Variants in PTPRD observed in about 807,000 individuals in gnomAD.
The protein encoded by PTPRD is protein tyrosine phosphatase receptor type D, also known as receptor-type tyrosine-protein phosphatase delta.
In PTPRD, 34 loss-of-function variants were observed where a neutral mutation model predicts 214.5. That is an observed-to-expected ratio of 0.16 (90% CI 0.12 to 0.21). The LOEUF is 0.21. PTPRD is among the 10% of genes least tolerant of loss of function. PTPRD has a pLI of 1.00. For synonymous variants in PTPRD, 1,128 were observed against 845.7 expected, an observed-to-expected ratio of 1.33 and a Z score of -5.79; for missense variants, 2,545 against 2,398.7, an observed-to-expected ratio of 1.06 and a Z score of -1.27.
At chr9:8,334,243 C>G (rs1472625550) in intron 43 of PTPRD, among the ~76,000 whole-genome samples, 2 of 152,074 alleles carry the variant, frequency 1.3e-5, no homozygotes, top group Non-Finnish European at 2.9e-5. Flanking sequence ...TTCTCAACAC[C>G]ACATTGCACT....
chr9:8,484,096 C>A (rs746533213), intron 30 of PTPRD, 23 bp downstream of exon 30: 1 of 1,607,710 alleles, frequency 6.2e-7, no homozygotes, highest in Non-Finnish European at 8.5e-7. Context: ...TTTCCTTCAG[C>A]CCTAAGCCTT....
chr9:9,160,875 C>T (rs2154493848), intron 10 of PTPRD, among the ~76,000 whole-genome samples: 1 of 152,204 alleles, frequency 6.6e-6, no homozygotes, highest in Non-Finnish European at 1.5e-5. Flanking sequence ...TCATTTTCAA[C>T]AACATGAATG....
chr9:10,082,317 G>A (rs1168269946), intron 3 of PTPRD, among the ~76,000 whole-genome samples: 1 of 152,070 alleles, frequency 6.6e-6, no homozygotes, highest in Non-Finnish European at 1.5e-5. Flanking sequence ...TGACACATTT[G>A]ACCTGTGACT....
chr9:8,330,460 G>A (rs529352856), intron 44 of PTPRD, among the ~76,000 whole-genome samples: 1 of 152,090 alleles, frequency 6.6e-6, no homozygotes, highest in African/African-American at 2.4e-5. Flanking sequence ...TGGTAATCTG[G>A]AACTAAACTC....
At chr9:9,546,489 T>C (rs895185578) in intron 8 of PTPRD, among the ~76,000 whole-genome samples, 1 of 151,852 alleles carries the variant, frequency 6.6e-6, no homozygotes, top group African/African-American at 2.4e-5. Flanking sequence ...TAGGTGATTT[T>C]GCATAGAATC....
chr9:10,369,889 A>G (rs143780219), intron 2 of PTPRD, among the ~76,000 whole-genome samples: 35 of 152,238 alleles, frequency 2.3e-4, no homozygotes, highest in African/African-American at 7.9e-4. Flanking sequence ...ATAGAAACAT[A>G]GTGTCAAAAA....
At chr9:10,416,660 T>C (rs2098492574) in intron 2 of PTPRD, among the ~76,000 whole-genome samples, 1 of 151,868 alleles carries the variant, frequency 6.6e-6, no homozygotes, top group African/African-American at 2.4e-5. Flanking sequence ...GTTTTTTTCT[T>C]ACTGTTGTAA....
intron 6 of PTPRD, among the ~76,000 whole-genome samples, chr9:9,756,740 A>C (rs1185491774): frequency 6.6e-6 from 1 of 152,158 alleles, no homozygotes; most frequent in Non-Finnish European, 1.5e-5. Flanking sequence ...ATTTTACCTC[A>C]ATAAAAAAAT....
chr9:10,378,350 A>G (rs996860274), intron 2 of PTPRD, among the ~76,000 whole-genome samples: 5 of 151,946 alleles, frequency 3.3e-5, no homozygotes, highest in African/African-American at 4.8e-5. Flanking sequence ...TGCTTAGGTT[A>G]TCTGGGCTTG....
At chr9:10,556,618 T>A (rs2062668734) in intron 2 of PTPRD, among the ~76,000 whole-genome samples, 1 of 152,082 alleles carries the variant, frequency 6.6e-6, no homozygotes, top group South Asian at 2.1e-4. Context: ...TTTGTTGACT[T>A]TAACAGAGCC....
intron 5 of PTPRD, among the ~76,000 whole-genome samples, chr9:9,887,338 A>C (rs1425421383): frequency 1.3e-5 from 2 of 152,162 alleles, no homozygotes; most frequent in East Asian, 3.9e-4. Flanking sequence ...CTGAGATATG[A>C]ATCCTCAAGA....
intron 9 of PTPRD, among the ~76,000 whole-genome samples, chr9:9,345,362 GT>G (rs1196204084): frequency 6.6e-6 from 1 of 151,932 alleles, no homozygotes; most frequent in Non-Finnish European, 1.5e-5. Context: ...GTTAAAGTAG[GT>G]TTTTTTGATC....
chr9:8,965,874 T>C (rs1473091592), intron 11 of PTPRD, among the ~76,000 whole-genome samples: 1 of 152,152 alleles, frequency 6.6e-6, no homozygotes, highest in Non-Finnish European at 1.5e-5. Flanking sequence ...AATATGATCC[T>C]ATAGTTAGAA....
intron 8 of PTPRD, among the ~76,000 whole-genome samples, chr9:9,535,781 C>G (rs1040796716): frequency 3.9e-5 from 6 of 152,000 alleles, no homozygotes; most frequent in African/African-American, 1.4e-4. Flanking sequence ...TCATTAAGAA[C>G]AGAAAGGCTG....
chr9:8,718,859 G>A (rs924883935), intron 12 of PTPRD, among the ~76,000 whole-genome samples: 9 of 152,146 alleles, frequency 5.9e-5, no homozygotes, highest in African/African-American at 9.7e-5. Context: ...ACGATGGAGC[G>A]TAGTGTTATT....
intron 8 of PTPRD, among the ~76,000 whole-genome samples, chr9:9,498,170 G>C (rs901698019): frequency 6.6e-6 from 1 of 152,028 alleles, no homozygotes; most frequent in African/African-American, 2.4e-5. Flanking sequence ...CATTGTTTTA[G>C]CGGCACAGTT....
intron 2 of PTPRD, chr9:10,532,435 G>A (rs2056611875): frequency 7.0e-6 from 1 of 143,766 alleles, no homozygotes; most frequent in African/African-American, 2.5e-5. Flanking sequence ...ATTGGTTAGT[G>A]TTCCTAAAAT....
intron 35 of PTPRD, among the ~76,000 whole-genome samples, chr9:8,425,303 G>A (rs2094589222): frequency 6.6e-6 from 1 of 152,158 alleles, no homozygotes; most frequent in Admixed American, 6.6e-5. Context: ...CAGGTACTTG[G>A]AGTTTCAGGA....
At chr9:10,375,785 A>T (rs543414303) in intron 2 of PTPRD, among the ~76,000 whole-genome samples, 1 of 152,132 alleles carries the variant, frequency 6.6e-6, no homozygotes, top group Admixed American at 6.6e-5. Context: ...AGTGACTCTG[A>T]AAATCTTGGG....
Sources: allele counts gnomAD v4.1 joint callset (sites outside exome capture counted in the v4.1 genomes callset), GRCh38; gene constraint gnomAD v4.1.1; transcripts MANE v1.5; gene names NCBI Gene and HGNC (gene_info 2026-07-23, HGNC 2026-07-21).